Variants in LINGO2 observed in about 807,000 individuals in gnomAD.
LINGO2 encodes leucine-rich repeat and immunoglobulin-like domain-containing nogo receptor-interacting protein 2.
A neutral mutation model predicts 30.6 loss-of-function variants in LINGO2; 14 were observed. That is an observed-to-expected ratio of 0.46 (90% CI 0.30 to 0.72). The LOEUF is 0.72. Ranked by LOEUF, LINGO2 falls within the 30% of genes least tolerant of loss-of-function variation. The pLI is 0.07. For synonymous variants in LINGO2, 317 were observed against 288.5 expected (o/e 1.10, Z -1.00); for missense variants, 729 against 751.7 (o/e 0.97, Z 0.35).
downstream of LINGO2, among the ~76,000 whole-genome samples, chr9:27,947,100 C>T (rs373455486): frequency 7.2e-5 from 11 of 152,238 alleles, no homozygotes; most frequent in East Asian, 9.6e-4. Flanking sequence ...ATTTTCAGAT[C>T]CCTCTTGAAA....
chr9:28,557,724 A>G (rs541333084), intron 1 of LINGO2, among the ~76,000 whole-genome samples: 2 of 150,994 alleles, frequency 1.3e-5, no homozygotes, highest in Non-Finnish European at 1.5e-5. Context: ...ATTATTCACA[A>G]TAGCAAAGAC....
At chr9:28,298,333 T>C (rs1824001008) in intron 3 of LINGO2, among the ~76,000 whole-genome samples, 2 of 152,060 alleles carry the variant, frequency 1.3e-5, no homozygotes, top group Admixed American at 1.3e-4. Flanking sequence ...AGATATTTTC[T>C]TTAATGCTTT....
At chr9:28,609,370 A>T (rs1825820293) in intron 1 of LINGO2, among the ~76,000 whole-genome samples, 1 of 151,970 alleles carries the variant, frequency 6.6e-6, no homozygotes, top group South Asian at 2.1e-4. Flanking sequence ...TCAGCTCAGC[A>T]ATAAGTCAAA....
the LINGO2 span, among the ~76,000 whole-genome samples, chr9:29,028,485 C>T: frequency 2.0e-5 from 3 of 150,422 alleles, no homozygotes; most frequent in Admixed American, 6.6e-5. Flanking sequence ...AAACTGATTA[C>T]AAATATATCT....
chr9:28,104,730 C>T (rs1262398119), intron 4 of LINGO2, among the ~76,000 whole-genome samples: 5 of 151,960 alleles, frequency 3.3e-5, no homozygotes, highest in East Asian at 1.9e-4. Flanking sequence ...AATTTAAATC[C>T]GATTCTCCCT....
At chr9:29,104,371 T>C in the LINGO2 span, among the ~76,000 whole-genome samples, 1 of 152,156 alleles carries the variant, frequency 6.6e-6, no homozygotes, top group East Asian at 2.0e-4. Flanking sequence ...CTCTCTCTCC[T>C]GCTCTGCCAT....
At chr9:28,745,229 G>C in the LINGO2 span, among the ~76,000 whole-genome samples, 1 of 152,002 alleles carries the variant, frequency 6.6e-6, no homozygotes, top group African/African-American at 2.4e-5. Flanking sequence ...CCCTGAGTCA[G>C]AGTACTTATT....
intron 4 of LINGO2, among the ~76,000 whole-genome samples, chr9:28,064,952 T>C (rs1825267768): frequency 6.6e-6 from 1 of 151,344 alleles, no homozygotes. Context: ...AATAGTGACT[T>C]GGTAAGGCAT....
the LINGO2 span, among the ~76,000 whole-genome samples, chr9:29,112,608 C>T: frequency 1.3e-5 from 2 of 152,164 alleles, no homozygotes; most frequent in African/African-American, 2.4e-5. Flanking sequence ...TAAAAAACTG[C>T]AAACTCTTGG....
At chr9:28,193,937 C>G (rs1417254320) in intron 4 of LINGO2, among the ~76,000 whole-genome samples, 1 of 152,174 alleles carries the variant, frequency 6.6e-6, no homozygotes, top group East Asian at 1.9e-4. Flanking sequence ...GCTCATACGG[C>G]AGCTGATTTG....
chr9:28,029,513 A>C (rs1474482002), intron 4 of LINGO2, among the ~76,000 whole-genome samples: 1 of 152,156 alleles, frequency 6.6e-6, no homozygotes, highest in Non-Finnish European at 1.5e-5. Flanking sequence ...CAGGTGGGGA[A>C]ATTTACCACT....
chr9:28,728,127 GTAGT>G, the LINGO2 span, among the ~76,000 whole-genome samples: 7 of 152,206 alleles, frequency 4.6e-5, no homozygotes, highest in Non-Finnish European at 8.8e-5. Context: ...TTAAAGAAGT[GTAGT>G]TCAGGAAACC....
chr9:28,129,783 T>A lies in LINGO2; in HGVS notation c.-86-117378A>T, dbSNP rs745785183. Reference sequence around the variant, plus strand: ...TGATTTGAAAACAATAACCTAGTCATAAGCTTTTATTTTTTATATTGTTTA... The same window carrying A: ...TGATTTGAAAACAATAACCTAGTCAAAAGCTTTTATTTTTTATATTGTTTA... On this transcript the variant is annotated intron_variant, in intron 4 of 5. Coordinates refer to ENST00000379992, the Ensembl canonical transcript of LINGO2. The surrounding 1 kb of genome is among the most constrained non-coding windows in gnomAD (Gnocchi z 4.0). 3 of 152,212 alleles carry A rather than the reference T, an allele frequency of 2.0e-5. No individual in the cohort carries two copies. Among genetic ancestry groups the A allele is most frequent in the Middle Eastern group, 3.2e-3 (1 of 316 alleles). 9.4% of individuals were successfully genotyped at this position (152,212 alleles called of 1,614,324 possible).
the LINGO2 span, among the ~76,000 whole-genome samples, chr9:28,766,197 T>C: frequency 2.0e-5 from 3 of 152,050 alleles, no homozygotes; most frequent in Non-Finnish European, 4.4e-5. Context: ...ACCATATATC[T>C]GATAAGTGGT....
chr9:27,959,635 C>A (rs1819741236), intron 5 of LINGO2, among the ~76,000 whole-genome samples: 1 of 152,088 alleles, frequency 6.6e-6, no homozygotes, highest in Non-Finnish European at 1.5e-5. Context: ...TCAGAGAATA[C>A]ACTATGAAAA....
chr9:28,142,973 GAA>G (rs1331376701), intron 4 of LINGO2, among the ~76,000 whole-genome samples: 1 of 152,070 alleles, frequency 6.6e-6, no homozygotes, highest in Non-Finnish European at 1.5e-5. Flanking sequence ...TTTTGTTATT[GAA>G]AAGTCTATAT....
chr9:28,741,489 T>C, the LINGO2 span, among the ~76,000 whole-genome samples: 3 of 152,080 alleles, frequency 2.0e-5, no homozygotes, highest in Admixed American at 6.5e-5. Flanking sequence ...GTGGGCCTAA[T>C]GCCTGTGGCC....
At chr9:28,621,539 G>C (rs1826394308) in intron 1 of LINGO2, among the ~76,000 whole-genome samples, 1 of 151,590 alleles carries the variant, frequency 6.6e-6, no homozygotes, top group Non-Finnish European at 1.5e-5. Flanking sequence ...TTCTAGAATT[G>C]TATATAAATA....
chr9:29,037,076 T>C, the LINGO2 span, among the ~76,000 whole-genome samples: 1 of 151,172 alleles, frequency 6.6e-6, no homozygotes, highest in African/African-American at 2.4e-5. Context: ...TTTCTCTGCT[T>C]ACTCTTTTTT....
Sources: gnomAD v4.1 joint callset for allele counts (sites outside exome capture counted in the v4.1 genomes callset) on GRCh38, gnomAD v4.1.1 for gene constraint, Gnocchi (gnomAD v3.1) non-coding constraint, MANE v1.5 for transcripts, NCBI Gene and HGNC (gene_info 2026-07-23, HGNC 2026-07-21) for gene names.